Variants in SLC7A2 observed in about 807,000 individuals in gnomAD.
SLC7A2 encodes the protein cationic amino acid transporter 2.
SLC7A2 carries 48 observed loss-of-function variants against 58.9 expected under a neutral mutation model. The observed-to-expected ratio is 0.82, with a 90% CI of 0.65 to 1.04. The LOEUF (loss-of-function observed/expected upper bound fraction) is 1.04, where lower values mean the gene tolerates loss of function less well. Among genes scored for constraint, SLC7A2 ranks in the 50% least tolerant of loss-of-function variants. The pLI is 0.00. For synonymous variants in SLC7A2, 363 were observed against 314.5 expected (o/e 1.15, Z -1.63); for missense variants, 1,029 against 818.8 (o/e 1.26, Z -3.13).
chr8:17,539,336 G>A (rs528411992), intron 2 of SLC7A2, among the ~76,000 whole-genome samples: 29 of 152,128 alleles, frequency 1.9e-4, no homozygotes, highest in Non-Finnish European at 3.7e-4. Flanking sequence ...CACAATGGGC[G>A]TGGGGCTAAG....
At chr8:17,534,446 T>A (rs557622537) in intron 2 of SLC7A2, among the ~76,000 whole-genome samples, 3 of 152,168 alleles carry the variant, frequency 2.0e-5, no homozygotes, top group Non-Finnish European at 4.4e-5. Context: ...AGAGGAGGGT[T>A]ACTGAACTGT....
intron 4 of SLC7A2, among the ~76,000 whole-genome samples, chr8:17,546,619 C>G (rs1305187609): frequency 6.6e-6 from 1 of 152,188 alleles, no homozygotes; most frequent in Non-Finnish European, 1.5e-5. Context: ...CCTAACCTAA[C>G]TTACAATTAC....
chr8:17,526,122 C>G (rs924780345), intron 2 of SLC7A2, among the ~76,000 whole-genome samples: 1 of 151,982 alleles, frequency 6.6e-6, no homozygotes, highest in African/African-American at 2.4e-5. Flanking sequence ...GAAGAAAAGA[C>G]AAATACAATC....
chr8:17,510,764 G>T (rs1178191246), intron 2 of SLC7A2: 1 of 152,130 alleles, frequency 6.6e-6, no homozygotes, highest in African/African-American at 2.4e-5. Context: ...TATACCCAAA[G>T]GAATAGAAAT....
chr8:17,539,677 C>A (rs1406669927), intron 2 of SLC7A2, among the ~76,000 whole-genome samples: 1 of 152,092 alleles, frequency 6.6e-6, no homozygotes, highest in Non-Finnish European at 1.5e-5. Flanking sequence ...TGTTCTTATA[C>A]TACATGCGTG....
At chr8:17,498,016 C>G (rs35882317) in intron 1 of SLC7A2, among the ~76,000 whole-genome samples, 66,343 of 151,940 alleles carry the variant, frequency 0.44, 14,858 homozygotes, top group East Asian at 0.72. Context: ...TCATCTTCAA[C>G]TCGTCGAAAA....
At chr8:17,510,312 CCTAA>C (rs775355292) in intron 2 of SLC7A2, among the ~76,000 whole-genome samples, 3 of 151,920 alleles carry the variant, frequency 2.0e-5, no homozygotes, top group Non-Finnish European at 4.4e-5. Flanking sequence ...GTCAAAATTG[CCTAA>C]CTGATAACAT....
At chr8:17,530,833 A>C (rs993141512) in intron 2 of SLC7A2, among the ~76,000 whole-genome samples, 9 of 152,110 alleles carry the variant, frequency 5.9e-5, no homozygotes, top group Non-Finnish European at 1.2e-4. Context: ...TGGCCCCCCA[A>C]AGTGCTGGTA....
At position 17,565,308 on chromosome 8, in the gene SLC7A2, G is replaced by A. The variant is rs12156021; in HGVS notation, c.*162G>A. 0.014 allele frequency: 8,352 copies of A among 605,498 alleles called. 211 individuals carry two copies. Among genetic ancestry groups the A allele is most frequent in the Admixed American group, 0.075 (2,257 of 30,002 alleles). The allele number at this position is 605,498 out of a possible 1,614,324, so 37.5% of individuals were successfully genotyped here. ...TCTGGACAGCATCTCCTCAGATGGT[G>A]AATTATGTGCACGGGGAAACCTCCT... On this transcript the variant is annotated 3_prime_UTR_variant, in exon 13 of 13. Transcript: ENST00000494857.
upstream of SLC7A2, among the ~76,000 whole-genome samples, chr8:17,494,270 G>A (rs1225613768): frequency 4.6e-5 from 7 of 152,166 alleles, no homozygotes; most frequent in African/African-American, 1.7e-4. Context: ...AGTACAGGGT[G>A]TGGAATTTAT....
intron 2 of SLC7A2, among the ~76,000 whole-genome samples, chr8:17,522,690 A>G (rs893887166): frequency 5.3e-5 from 8 of 151,856 alleles, no homozygotes; most frequent in Non-Finnish European, 8.8e-5. Context: ...AATTCTAGCT[A>G]ATAGCTAGTG....
intron 7 of SLC7A2, 115 bp downstream of exon 7, chr8:17,552,101 C>A: frequency 1.4e-6 from 1 of 715,956 alleles, no homozygotes; most frequent in Non-Finnish European, 2.4e-6. Flanking sequence ...AAATATTATG[C>A]AACTTTGTAT....
At chr8:17,494,917 C>T (rs1799919995), upstream of SLC7A2, among the ~76,000 whole-genome samples, 1 of 152,184 alleles carries the variant, frequency 6.6e-6, no homozygotes, top group South Asian at 2.1e-4. Flanking sequence ...ACAGCACGTT[C>T]TTGCTTCAGG....
chr8:17,560,193 A>G, intron 9 of SLC7A2, 135 bp from the exon 10 acceptor site: 1 of 659,762 alleles, frequency 1.5e-6, no homozygotes, highest in Non-Finnish European at 2.7e-6. Flanking sequence ...ATGCTCTGGG[A>G]CTGGAGTCAT....
chr8:17,547,145 T>C (rs1158814948), intron 4 of SLC7A2, among the ~76,000 whole-genome samples: 1 of 152,076 alleles, frequency 6.6e-6, no homozygotes, highest in African/African-American at 2.4e-5. Context: ...ACCCAAGACT[T>C]GGTAATTTAT....
intron 2 of SLC7A2, among the ~76,000 whole-genome samples, chr8:17,533,989 C>G (rs1391705664): frequency 6.6e-6 from 1 of 152,132 alleles, no homozygotes; most frequent in Non-Finnish European, 1.5e-5. Flanking sequence ...TGCTCAGCTC[C>G]CACTTATAAG....
In SLC7A2 at chr8:17,560,433, G is replaced by T. The variant is rs144878731; in HGVS notation, c.1404G>T (p.Met468Ile). Residue 468 changes from methionine (M) to isoleucine (I), a missense_variant, in exon 10 of 13, where the codon ATG becomes ATT. Coordinates refer to ENST00000494857, the MANE Select transcript of SLC7A2 (RefSeq NM_001370338.1). ...VTSKSESQVTMLQRQGFSMRT... is the reference protein window; with the variant it reads ...VTSKSESQVTILQRQGFSMRT... ...CGAAGAGTGAGTCCCAGGTCACCAT[G>T]CTGCAGAGACAGGGCTTCAGCATGC... is the stretch of plus-strand genomic sequence containing the variant. 1.9e-5 allele frequency: 31 copies of T among 1,614,008 alleles called. No individual in the cohort carries two copies. The African/African-American group carries it at 3.3e-4, about 17-fold the overall frequency.
intron 10 of SLC7A2, among the ~76,000 whole-genome samples, chr8:17,560,793 A>G (rs1365174435): frequency 6.6e-6 from 1 of 152,214 alleles, no homozygotes; most frequent in Admixed American, 6.5e-5. Context: ...TGGCACATTC[A>G]TTAGAGGTTA....
chr8:17,555,596 G>T (rs1802659765), intron 8 of SLC7A2, among the ~76,000 whole-genome samples: 1 of 151,740 alleles, frequency 6.6e-6, no homozygotes, highest in African/African-American at 2.4e-5. Flanking sequence ...CTTGGCCCTT[G>T]TGATCGCCAT....
Sources: allele counts gnomAD v4.1 joint callset (sites outside exome capture counted in the v4.1 genomes callset), GRCh38; gene constraint gnomAD v4.1.1; transcripts MANE v1.5; gene names NCBI Gene and HGNC (gene_info 2026-07-23, HGNC 2026-07-21).